NCK1: variants seen among roughly 807,000 people sequenced by gnomAD.
NCK1 encodes NCK adaptor protein 1.
Under a neutral mutation model 36.6 loss-of-function variants are expected in NCK1, and 19 were observed. The ratio of observed to expected loss-of-function variants is 0.52; its 90% CI spans 0.36 to 0.76. The LOEUF (loss-of-function observed/expected upper bound fraction) is 0.76, where lower values mean the gene tolerates loss of function less well. Ranked by LOEUF, NCK1 falls within the 30% of genes least tolerant of loss-of-function variation. The pLI, the probability that NCK1 is intolerant of heterozygous loss-of-function variation, is 0.00. For synonymous variants in NCK1, 165 were observed against 156.0 expected, an observed-to-expected ratio of 1.06 and a Z score of -0.43; for missense variants, 358 against 445.6, an observed-to-expected ratio of 0.80 and a Z score of 1.77.
At chr3:136,912,842 C>G (rs75325304) in intron 1 of NCK1, among the ~76,000 whole-genome samples, 1,493 of 123,356 alleles carry the variant, frequency 0.012, 13 homozygotes, top group Non-Finnish European at 0.018. Flanking sequence ...TTTGTAGAAG[C>G]AGGGTCTTGC....
intron 1 of NCK1, among the ~76,000 whole-genome samples, chr3:136,873,066 A>G (rs980435567): frequency 3.9e-5 from 6 of 152,150 alleles, no homozygotes; most frequent in African/African-American, 1.4e-4. Context: ...GAGCTGTGAG[A>G]AGAGGGCCAC....
chr3:136,879,190 CT>C (rs1343321353), intron 1 of NCK1, among the ~76,000 whole-genome samples: 1 of 150,504 alleles, frequency 6.6e-6, no homozygotes, highest in Non-Finnish European at 1.5e-5. Context: ...TAAAGGAGTT[CT>C]TTCATAAAGT....
chr3:136,935,387 T>TTGTA (rs1940505129), intron 2 of NCK1, among the ~76,000 whole-genome samples: 1 of 152,216 alleles, frequency 6.6e-6, no homozygotes, highest in African/African-American at 2.4e-5. Context: ...CTTTTTTTTT[T>TTGTA]TGTATGTGCC....
In NCK1 at chr3:136,922,453, G is replaced by A. The variant is rs967506616; in HGVS notation, c.-18-5531G>A. On this transcript the variant is annotated intron_variant, in intron 1 of 3. Transcript: ENST00000481752. ...TCACCAGGTTTTGGCTGGAACAAAC[G>A]GTAAATTCTGGCCATGTGGAGCCTT... Among the ~76,000 whole-genome samples, 14 of 152,234 alleles carry A rather than the reference G, an allele frequency of 9.2e-5. No homozygotes were observed. The East Asian group carries it at 2.5e-3, about 27-fold the overall frequency.
chr3:136,919,759 A>G (rs1052751510), intron 1 of NCK1, among the ~76,000 whole-genome samples: 1 of 152,186 alleles, frequency 6.6e-6, no homozygotes, highest in African/African-American at 2.4e-5. Flanking sequence ...TTGGCTGTGT[A>G]TATAGGTCAT....
chr3:136,895,807 C>T (rs532548187), intron 1 of NCK1, among the ~76,000 whole-genome samples: 1 of 152,278 alleles, frequency 6.6e-6, no homozygotes, highest in East Asian at 1.9e-4. Flanking sequence ...TCAGGTGATC[C>T]TCCCACCTTG....
intron 1 of NCK1, among the ~76,000 whole-genome samples, chr3:136,924,429 A>C (rs1199757158): frequency 6.6e-6 from 1 of 152,210 alleles, no homozygotes; most frequent in Non-Finnish European, 1.5e-5. Context: ...GTGGGGAAAG[A>C]GAACAGTGTC....
chr3:136,929,148 A>G (rs2108131088), intron 2 of NCK1, among the ~76,000 whole-genome samples: 1 of 152,188 alleles, frequency 6.6e-6, no homozygotes, highest in East Asian at 1.9e-4. Flanking sequence ...GTCCAGGCCA[A>G]ACTTGAACTC....
chr3:136,924,289 A>G (rs1314615647), intron 1 of NCK1, among the ~76,000 whole-genome samples: 1 of 152,246 alleles, frequency 6.6e-6, no homozygotes, highest in Non-Finnish European at 1.5e-5. Flanking sequence ...TAAAGCCTCT[A>G]GAAATAATTA....
intron 1 of NCK1, chr3:136,899,901 A>G: frequency 1.0e-6 from 1 of 999,356 alleles, no homozygotes; most frequent in South Asian, 1.3e-5. Flanking sequence ...TTCTAGTGGG[A>G]TTTCTTCTTT....
At chr3:136,948,191 T>G in intron 3 of NCK1, 68 bp from the exon 4 acceptor site, 1 of 1,263,288 alleles carries the variant, frequency 7.9e-7, no homozygotes, top group South Asian at 1.8e-5. Flanking sequence ...AGCTTTTAGT[T>G]TAATATAAAA....
At chr3:136,862,739 C>T (rs902921130) in intron 1 of NCK1, among the ~76,000 whole-genome samples, 1 of 152,214 alleles carries the variant, frequency 6.6e-6, no homozygotes, top group African/African-American at 2.4e-5. Flanking sequence ...TGGCGTAATC[C>T]GAGGCCGGGA....
At chr3:136,892,940 T>TACA (rs1265767062) in intron 1 of NCK1, among the ~76,000 whole-genome samples, 3 of 151,858 alleles carry the variant, frequency 2.0e-5, no homozygotes, top group African/African-American at 7.3e-5. Context: ...GTACCCAATG[T>TACA]GTAGTCTTTT....
intron 1 of NCK1, among the ~76,000 whole-genome samples, chr3:136,915,505 T>G (rs1008001500): frequency 9.9e-5 from 15 of 152,200 alleles, no homozygotes; most frequent in Non-Finnish European, 2.2e-4. Flanking sequence ...GTAACTCCAG[T>G]AGGTCTTATG....
chr3:136,871,106 A>G (rs975492188), intron 1 of NCK1, among the ~76,000 whole-genome samples: 2 of 151,790 alleles, frequency 1.3e-5, no homozygotes, highest in Non-Finnish European at 2.9e-5. Flanking sequence ...TTTTTTAAAA[A>G]ATTGTTTAGT....
At chr3:136,895,820 C>T (rs958911053) in intron 1 of NCK1, among the ~76,000 whole-genome samples, 2 of 152,202 alleles carry the variant, frequency 1.3e-5, no homozygotes, top group Admixed American at 6.5e-5. Context: ...CCACCTTGGC[C>T]TCCCAAAGTG....
chr3:136,873,635 C>T (rs1337579498), intron 1 of NCK1, among the ~76,000 whole-genome samples: 1 of 152,132 alleles, frequency 6.6e-6, no homozygotes, highest in Non-Finnish European at 1.5e-5. Flanking sequence ...TGTCCCCACC[C>T]ATATTTCATC....
At chr3:136,891,767 T>G (rs573158290) in intron 1 of NCK1, among the ~76,000 whole-genome samples, 2 of 152,294 alleles carry the variant, frequency 1.3e-5, no homozygotes, top group East Asian at 3.9e-4. Context: ...ATTATTGTGG[T>G]TTTGATTTGG....
chr3:136,876,379 A>G (rs1938771669), intron 1 of NCK1, among the ~76,000 whole-genome samples: 1 of 152,232 alleles, frequency 6.6e-6, no homozygotes, highest in African/African-American at 2.4e-5. Flanking sequence ...GTTTTTTGAA[A>G]GGATCAACAA....
Sources: allele counts gnomAD v4.1 joint callset (sites outside exome capture counted in the v4.1 genomes callset), GRCh38; gene constraint gnomAD v4.1.1; transcripts MANE v1.5; gene names NCBI Gene and HGNC (gene_info 2026-07-23, HGNC 2026-07-21).